Variants in ATXN10 observed in about 807,000 individuals in gnomAD.
The protein encoded by ATXN10 is ataxin-10.
ATXN10 carries 28 observed loss-of-function variants against 52.9 expected under a neutral mutation model. The observed-to-expected ratio is 0.53, with a 90% CI of 0.39 to 0.73. The LOEUF is 0.73. Ranked by LOEUF, ATXN10 falls within the 30% of genes least tolerant of loss-of-function variation. The probability of loss-of-function intolerance (pLI) is 0.00; values close to 1 mark genes in which losing one functional copy is unlikely to be tolerated. For synonymous variants in ATXN10, 226 were observed against 221.5 expected (o/e 1.02, Z -0.18); for missense variants, 565 against 577.0 (o/e 0.98, Z 0.21).
At chr22:45,761,115 G>A (rs2146829443) in intron 9 of ATXN10, among the ~76,000 whole-genome samples, 1 of 152,174 alleles carries the variant, frequency 6.6e-6, no homozygotes, top group South Asian at 2.1e-4. Context: ...GGTGACCTCA[G>A]TATTTTATTT....
At chr22:45,697,466 T>C (rs979079448) in intron 3 of ATXN10, among the ~76,000 whole-genome samples, 7 of 152,006 alleles carry the variant, frequency 4.6e-5, no homozygotes, top group African/African-American at 1.7e-4. Flanking sequence ...ACCGTTTTCA[T>C]TGAGCAGCTG....
chr22:45,827,203 A>G (rs1298046402), intron 10 of ATXN10, among the ~76,000 whole-genome samples: 1 of 152,134 alleles, frequency 6.6e-6, no homozygotes, highest in Admixed American at 6.6e-5. Context: ...AGGAAATGAA[A>G]AAGGAACTTA....
intron 9 of ATXN10, among the ~76,000 whole-genome samples, chr22:45,751,592 T>C (rs1230162203): frequency 6.6e-6 from 1 of 152,136 alleles, no homozygotes; most frequent in Non-Finnish European, 1.5e-5. Flanking sequence ...TACTGAGTGC[T>C]TGAATGTTCA....
intron 9 of ATXN10, among the ~76,000 whole-genome samples, chr22:45,760,192 CTTT>C (rs1926333084): frequency 6.6e-6 from 1 of 152,308 alleles, no homozygotes; most frequent in East Asian, 1.9e-4. Context: ...GTAAAGCCAT[CTTT>C]CCCACCTACA....
rs1928751491 is a variant in ATXN10, at chr22:45,824,386, C to T, written c.1237+17364C>T. Among the ~76,000 whole-genome samples the T allele has an allele frequency of 6.6e-6, 1 of 152,178 alleles. No homozygotes were observed. The highest frequency in any genetic ancestry group is 2.1e-4 in the South Asian group (1 of 4,832). Reference sequence around the variant, plus strand: ...TGTTTCACCTTATCCTGTAATTTAACATTGTAGCTTTTATAGTACTTTGTA... The same window carrying T: ...TGTTTCACCTTATCCTGTAATTTAATATTGTAGCTTTTATAGTACTTTGTA... On this transcript the variant is annotated intron_variant, in intron 10 of 11. Coordinates refer to ENST00000252934, the MANE Select transcript of ATXN10 (RefSeq NM_013236.4). The surrounding 1 kb of genome is among the most constrained non-coding windows in gnomAD (Gnocchi z 5.2).
intron 5 of ATXN10, among the ~76,000 whole-genome samples, chr22:45,704,615 T>C (rs965464508): frequency 5.3e-5 from 8 of 152,232 alleles, no homozygotes; most frequent in Admixed American, 5.2e-4. Flanking sequence ...TTTTGTATAT[T>C]AATCTTATAT....
In ATXN10 at chr22:45,842,861, C is replaced by A; in HGVS notation, c.1238-130C>A. 9.6e-7 allele frequency: 1 copy of A among 1,043,102 alleles called. No individual in the cohort carries two copies. Among genetic ancestry groups the A allele is most frequent in the Non-Finnish European group, 1.5e-6 (1 of 680,436 alleles). 64.6% of individuals were successfully genotyped at this position (1,043,102 alleles called of 1,614,324 possible). A position where few individuals can be genotyped will look rare whatever the true frequency, so the allele number is the denominator to read the frequency against. On this transcript the variant is annotated intron_variant, in intron 10 of 11. Coordinates refer to ENST00000252934, the MANE Select transcript of ATXN10 (RefSeq NM_013236.4). The surrounding 1 kb of genome is among the most constrained non-coding windows in gnomAD (Gnocchi z 4.8). ...GAGATGCATATTCAGAGAATGCATC[C>A]TCAAGAAAACTTGTGGATTGATACT...
At chr22:45,713,398 C>T (rs1362062388) in intron 5 of ATXN10, among the ~76,000 whole-genome samples, 3 of 152,124 alleles carry the variant, frequency 2.0e-5, no homozygotes, top group East Asian at 3.8e-4. Context: ...TTGGCATCAA[C>T]AATGTGATTT....
chr22:45,819,588 C>A lies in ATXN10; in HGVS notation c.1237+12566C>A, dbSNP rs1928582546. On this transcript the variant is annotated intron_variant, in intron 10 of 11. Transcript: ENST00000252934. The surrounding 1 kb of genome is among the most constrained non-coding windows in gnomAD (Gnocchi z 4.5). ...GGCACTTCTGTGATCACAGCAGTCC[C>A]ATGCAGGAAGCTTTACCTTCAGGAA... 6.6e-6 allele frequency among the ~76,000 whole-genome samples: 1 copy of A among 152,192 alleles called. No homozygotes were observed. The highest frequency in any genetic ancestry group is 1.5e-5 in the Non-Finnish European group (1 of 68,034).
At chr22:45,822,983 T>A (rs1157849835) in intron 10 of ATXN10, 1 of 249,238 alleles carries the variant, frequency 4.0e-6, no homozygotes, top group Non-Finnish European at 8.2e-6. Context: ...ATTTGTTCAG[T>A]TGTATGTGTT....
At chr22:45,686,259 G>T (rs1923130773) in intron 1 of ATXN10, among the ~76,000 whole-genome samples, 1 of 152,134 alleles carries the variant, frequency 6.6e-6, no homozygotes, top group African/African-American at 2.4e-5. Flanking sequence ...ACTTTTGAGT[G>T]TGCAAACAGT....
chr22:45,692,685 T>C (rs1050742756), intron 2 of ATXN10, among the ~76,000 whole-genome samples: 2 of 152,200 alleles, frequency 1.3e-5, no homozygotes, highest in Non-Finnish European at 1.5e-5. Context: ...TTTTGCACTT[T>C]GTGTGGACTG....
chr22:45,778,381 A>G (rs1004450806), intron 9 of ATXN10, among the ~76,000 whole-genome samples: 1 of 152,206 alleles, frequency 6.6e-6, no homozygotes, highest in East Asian at 1.9e-4. Context: ...TCTCAGTGAA[A>G]CTTATCTTCA....
chr22:45,773,229 T>A (rs1926835243), intron 9 of ATXN10, among the ~76,000 whole-genome samples: 1 of 152,222 alleles, frequency 6.6e-6, no homozygotes, highest in South Asian at 2.1e-4. Context: ...CTAGGAGATT[T>A]GAAAAATAGA....
chr22:45,723,951 CA>C (rs745576988), intron 6 of ATXN10, among the ~76,000 whole-genome samples: 4,716 of 124,390 alleles, frequency 0.038, 238 homozygotes, highest in African/African-American at 0.12. Flanking sequence ...GACCCTGTCT[CA>C]AAAAAAAAAA....
chr22:45,726,966 CCACCA>C (rs1924896482), intron 6 of ATXN10, among the ~76,000 whole-genome samples: 1 of 152,122 alleles, frequency 6.6e-6, no homozygotes. Context: ...CAGTTGTAAG[CCACCA>C]CACCTGGCCT....
In ATXN10 at chr22:45,671,840, T is replaced by G; in HGVS notation, c.-224T>G. 1 of 379,630 alleles carries G rather than the reference T, an allele frequency of 2.6e-6. No individual in the cohort carries two copies. Among genetic ancestry groups the G allele is most frequent in the Non-Finnish European group, 4.7e-6 (1 of 214,598 alleles). 23.5% of individuals were successfully genotyped at this position (379,630 alleles called of 1,614,324 possible). On this transcript the variant is annotated 5_prime_UTR_variant, in exon 1 of 12. Coordinates refer to ENST00000252934, the MANE Select transcript of ATXN10 (RefSeq NM_013236.4). ...GCGCCCCCTCCCCCGCGGCGCCGTC[T>G]CCTCCTCCCGCCTGAGGCGAGTCTG...
Position 45,738,797 on chromosome 22 carries a change from G to A in ATXN10, c.961G>A (p.Gly321Ser), listed in dbSNP as rs555546167. ...AATGACTGTGAATACTGAGCTGCTC[G>A]GCTATCTGCAGGTTTTCCCTGGCTT... is the stretch of plus-strand genomic sequence containing the variant. Reference protein sequence around the residue: ...CEMTVNTELLGYLQVFPGLLE... With the variant: ...CEMTVNTELLSYLQVFPGLLE... Residue 321 changes from glycine to serine, a missense_variant, in exon 8 of 12, where the codon GGC becomes AGC. Transcript: ENST00000252934. 19 of 1,614,128 alleles carry A rather than the reference G, an allele frequency of 1.2e-5. No individual in the cohort carries two copies. The highest frequency in any genetic ancestry group is 6.7e-5 in the Admixed American group (4 of 60,018).
At position 45,757,351 on chromosome 22, in the gene ATXN10, C is replaced by T. The variant is rs1405494804; in HGVS notation, c.1173+16813C>T. 6.6e-6 allele frequency among the ~76,000 whole-genome samples: 1 copy of T among 152,136 alleles called. No homozygotes were observed. The highest frequency in any genetic ancestry group is 1.5e-5 in the Non-Finnish European group (1 of 68,026). ...AGCTTCAGTGTAACTGGAGCAATAC[C>T]AGCTGATTCTAACAGTGTGGCCCAG... On this transcript the variant is annotated intron_variant, in intron 9 of 11. Transcript: ENST00000252934. The surrounding 1 kb of genome is among the most constrained non-coding windows in gnomAD (Gnocchi z 4.6).
Sources: gnomAD v4.1 joint callset for allele counts (sites outside exome capture counted in the v4.1 genomes callset) on GRCh38, gnomAD v4.1.1 for gene constraint, Gnocchi (gnomAD v3.1) non-coding constraint, MANE v1.5 for transcripts, NCBI Gene and HGNC (gene_info 2026-07-23, HGNC 2026-07-21) for gene names.